The following DIAPH1 variants were observed in gnomAD, a reference collection of about 807,000 sequenced individuals.
DIAPH1 encodes the protein protein diaphanous homolog 1.
In DIAPH1, 46 loss-of-function variants were observed where a neutral mutation model predicts 140.7. The ratio of observed to expected loss-of-function variants is 0.33; its 90% CI spans 0.26 to 0.42. The LOEUF is 0.42. Among genes scored for constraint, DIAPH1 ranks in the 10% least tolerant of loss-of-function variants. DIAPH1 has a pLI of 1.00. For synonymous variants in DIAPH1, 565 were observed against 551.6 expected (o/e 1.02, Z -0.34); for missense variants, 1,310 against 1,558.7 (o/e 0.84, Z 2.69).
rs550798580 is a variant in DIAPH1 at position 141,606,137 on chromosome 5, C to T, written c.117+12661G>A. Among the ~76,000 whole-genome samples, 6 of 152,176 alleles carry T rather than the reference C, an allele frequency of 3.9e-5. No individual in the cohort carries two copies. In the East Asian group the frequency reaches 1.2e-3, roughly 29 times the overall value. The stretch of plus-strand genomic sequence containing the variant: ...GAAGGAACTGAAGGAATTCTTATAG[C>T]TCTGGGTGGGAGTATATGTGCTTAT... On this transcript the variant is annotated intron_variant, in intron 1 of 27. Transcript: ENST00000389054.
chr5:141,563,718 G>A (rs1277306608), intron 18 of DIAPH1: 1 of 152,188 alleles, frequency 6.6e-6, no homozygotes, highest in Non-Finnish European at 1.5e-5. Flanking sequence ...TATGTTTCTA[G>A]AAAAGAGTAA....
intron 19 of DIAPH1, among the ~76,000 whole-genome samples, chr5:141,530,370 A>G (rs1306076770): frequency 2.6e-5 from 4 of 152,158 alleles, no homozygotes; most frequent in Admixed American, 1.3e-4. Flanking sequence ...TTTGCTCTCT[A>G]CTATGACTCC....
chr5:141,524,315 T>C (rs2099886975), intron 26 of DIAPH1, 86 bp from the exon 27 acceptor site: 1 of 1,274,156 alleles, frequency 7.8e-7, no homozygotes, highest in East Asian at 2.3e-5. Flanking sequence ...TGAATGGCTA[T>C]TGCTTGATTT....
chr5:141,554,302 AT>A (rs1397658743), intron 18 of DIAPH1, among the ~76,000 whole-genome samples: 17 of 152,106 alleles, frequency 1.1e-4, no homozygotes, highest in Non-Finnish European at 2.4e-4. Context: ...AAAAAAAGGA[AT>A]AATATCATAC....
intron 1 of DIAPH1, 81 bp downstream of exon 1, chr5:141,618,717 G>A (rs1225569848): frequency 4.8e-6 from 5 of 1,039,354 alleles, no homozygotes; most frequent in Admixed American, 2.2e-5. Context: ...CCAAAGCCGG[G>A]CAGGCGCCCC....
chr5:141,596,445 C>T (rs2099899340), intron 1 of DIAPH1, among the ~76,000 whole-genome samples: 1 of 151,928 alleles, frequency 6.6e-6, no homozygotes, highest in Non-Finnish European at 1.5e-5. Flanking sequence ...TTGCAGCAAG[C>T]TGAGATCACA....
At chr5:141,611,062 GA>G (rs2099901763) in intron 1 of DIAPH1, among the ~76,000 whole-genome samples, 1 of 152,068 alleles carries the variant, frequency 6.6e-6, no homozygotes. Flanking sequence ...CTGCACTCCA[GA>G]TTGGGTGACA....
At chr5:141,616,810 A>G (rs1283355031) in intron 1 of DIAPH1, among the ~76,000 whole-genome samples, 2 of 152,098 alleles carry the variant, frequency 1.3e-5, no homozygotes, top group East Asian at 1.9e-4. Flanking sequence ...CACCGCAGAA[A>G]GAAAAGAGAA....
At chr5:141,578,838 T>A (rs1173447027) in intron 9 of DIAPH1, among the ~76,000 whole-genome samples, 5 of 152,240 alleles carry the variant, frequency 3.3e-5, no homozygotes, top group African/African-American at 1.2e-4. Context: ...TGAGAGTATA[T>A]GTTATTGTAG....
intron 18 of DIAPH1, among the ~76,000 whole-genome samples, chr5:141,554,645 C>A (rs62379253): frequency 4.6e-4 from 70 of 152,170 alleles, no homozygotes; most frequent in Non-Finnish European, 8.2e-4. Flanking sequence ...AACACAGGCA[C>A]AAAATTCCTA....
At chr5:141,581,640 A>C (rs2099896763) in intron 7 of DIAPH1, among the ~76,000 whole-genome samples, 1 of 152,216 alleles carries the variant, frequency 6.6e-6, no homozygotes, top group Non-Finnish European at 1.5e-5. Context: ...TTGAATTACT[A>C]AACAGACAAA....
chr5:141,524,105 C>A (rs576246498), intron 27 of DIAPH1, 38 bp downstream of exon 27: 11 of 1,583,668 alleles, frequency 6.9e-6, no homozygotes, highest in Non-Finnish European at 9.5e-6. Flanking sequence ...GCCCTCACCC[C>A]CTTCGACACC....
intron 1 of DIAPH1, among the ~76,000 whole-genome samples, chr5:141,614,708 G>A (rs1447435497): frequency 6.6e-6 from 1 of 151,982 alleles, no homozygotes; most frequent in East Asian, 1.9e-4. Context: ...AGGAAGAATG[G>A]CGGAAATCTT....
chr5:141,535,070 G>A (rs1446354094), intron 18 of DIAPH1, among the ~76,000 whole-genome samples: 1 of 152,054 alleles, frequency 6.6e-6, no homozygotes, highest in Non-Finnish European at 1.5e-5. Flanking sequence ...CCACTTCAGG[G>A]TCCCAAGGAG....
chr5:141,600,764 T>A (rs958319389), intron 1 of DIAPH1, among the ~76,000 whole-genome samples: 1 of 152,204 alleles, frequency 6.6e-6, no homozygotes, highest in Non-Finnish European at 1.5e-5. Context: ...GATAGACTAG[T>A]GGATGCTTTA....
At chr5:141,528,062 A>G (rs149670130) in intron 23 of DIAPH1, among the ~76,000 whole-genome samples, 1 of 152,346 alleles carries the variant, frequency 6.6e-6, no homozygotes, top group East Asian at 1.9e-4. Flanking sequence ...ATAGAAATAT[A>G]GAGGCGGGGG....
At chr5:141,539,430 G>GGTTTTTTTTT (rs1554202795) in intron 18 of DIAPH1, among the ~76,000 whole-genome samples, 1 of 131,846 alleles carries the variant, frequency 7.6e-6, no homozygotes, top group African/African-American at 2.7e-5. Flanking sequence ...TTTTTTTTTT[G>GGTTTTTTTTT]TTTTTTTTTT....
chr5:141,556,879 G>C (rs558193322), intron 18 of DIAPH1, among the ~76,000 whole-genome samples: 7 of 152,140 alleles, frequency 4.6e-5, no homozygotes, highest in Admixed American at 4.6e-4. Context: ...ATTTTTAGTA[G>C]AGACGAGGTT....
intron 18 of DIAPH1, among the ~76,000 whole-genome samples, chr5:141,544,098 C>T (rs538114769): frequency 3.9e-5 from 6 of 152,026 alleles, no homozygotes; most frequent in African/African-American, 1.4e-4. Context: ...ATCACAAGGT[C>T]AGGAGATCGA....
Sources: gnomAD v4.1 joint callset for allele counts (sites outside exome capture counted in the v4.1 genomes callset) on GRCh38, gnomAD v4.1.1 for gene constraint, MANE v1.5 for transcripts, NCBI Gene and HGNC (gene_info 2026-07-23, HGNC 2026-07-21) for gene names.